The following ZNF536 variants were observed in gnomAD, a reference collection of about 807,000 sequenced individuals.
The protein encoded by ZNF536 is zinc finger protein 536.
ZNF536 carries 13 observed loss-of-function variants against 84.5 expected under a neutral mutation model. The ratio of observed to expected loss-of-function variants is 0.15; its 90% CI spans 0.10 to 0.24. ZNF536 has a LOEUF of 0.24. ZNF536 is among the 10% of genes least tolerant of loss of function. The pLI is 1.00. For missense variants in ZNF536, 1,536 were observed against 1,747.5 expected, an observed-to-expected ratio of 0.88 and a Z score of 2.16; for synonymous variants, 811 against 742.5, an observed-to-expected ratio of 1.09 and a Z score of -1.50.
At position 30,444,613 on chromosome 19, in the gene ZNF536, G is replaced by A. The variant is rs2148190886; in HGVS notation, c.1051G>A (p.Gly351Ser). Residue 351 changes from glycine (G) to serine (S), a missense_variant, in exon 2 of 5, where the codon GGT becomes AGT. By Grantham distance (56) the Gly-to-Ser change is moderately conservative. This residue lies in a region of ZNF536 where 25 missense variants were observed against 78.9 expected (regional missense o/e 0.32). Transcript: ENST00000355537. ...SANEFRCEVC[G>S]QVFSQAWFLK... ...CAACGAGTTCCGCTGCGAGGTGTGC[G>A]GTCAGGTGTTCAGCCAGGCGTGGTT... is the stretch of plus-strand genomic sequence containing the variant. The A allele has an allele frequency of 6.2e-7, 1 of 1,613,890 alleles. No individual in the cohort carries two copies. Among genetic ancestry groups the A allele is most frequent in the Admixed American group, 1.7e-5 (1 of 60,038 alleles).
At chr19:30,654,399 A>C (rs1600161213) in intron 1 of ZNF536, among the ~76,000 whole-genome samples, 2 of 135,836 alleles carry the variant, frequency 1.5e-5, no homozygotes, top group African/African-American at 2.8e-5. Flanking sequence ...CCCCTTATTC[A>C]CCCCTCACCA....
At chr19:30,309,309 GT>G (rs1026845822) in intron 2 of ZNF536, among the ~76,000 whole-genome samples, 1 of 152,204 alleles carries the variant, frequency 6.6e-6, no homozygotes, top group African/African-American at 2.4e-5. Context: ...GAGATAACTG[GT>G]TATCTAACTG....
chr19:30,596,698 G>T (rs1025704044), intron 1 of ZNF536, among the ~76,000 whole-genome samples: 1 of 152,118 alleles, frequency 6.6e-6, no homozygotes, highest in African/African-American at 2.4e-5. Flanking sequence ...AATGTTCCAT[G>T]GGGATAAAGA....
intron 2 of ZNF536, among the ~76,000 whole-genome samples, chr19:30,305,371 A>G (rs1161937064): frequency 6.6e-6 from 1 of 152,192 alleles, no homozygotes; most frequent in African/African-American, 2.4e-5. Flanking sequence ...AAAACAAGGA[A>G]GGAAAATGCA....
At position 30,315,460 on chromosome 19, in the gene ZNF536, C is replaced by T. The variant is rs150831322; in HGVS notation, c.-120+31319C>T. 4.7e-3 allele frequency among the ~76,000 whole-genome samples: 710 copies of T among 152,238 alleles called. 13 individuals are homozygous for T. The highest frequency in any genetic ancestry group is 0.016 in the African/African-American group (681 of 41,510). The stretch of plus-strand genomic sequence containing the variant: ...ATGATGGTGGGGCATGAGCCACCCC[C>T]CTCTGGGCCCTCTGTAGCAGGGTCT... On this transcript the variant is annotated intron_variant, in intron 2 of 5. Coordinates refer to the ZNF536 transcript ENST00000585628.
intron 1 of ZNF536, among the ~76,000 whole-genome samples, chr19:30,665,102 G>A (rs1297598713): frequency 1.3e-5 from 2 of 152,222 alleles, no homozygotes; most frequent in East Asian, 3.9e-4. Context: ...CCAGCACTTT[G>A]GGAGGGCGAG....
In ZNF536 at chr19:30,443,877, C is replaced by T. The variant is rs768351285; in HGVS notation, c.315C>T (p.Phe105=). The change falls in exon 2 of 5, where the codon TTC becomes TTT. Residue 105 remains phenylalanine (F), a synonymous_variant. Transcript: ENST00000355537. ...SLNGRVDLQQ[F]LNGQNLGIMS... is the part of the protein sequence containing the mutation. The stretch of plus-strand genomic sequence containing the variant: ...ACGGGAGGGTGGACTTGCAGCAGTT[C>T]CTCAACGGGCAGAACCTGGGCATCA... 185 of 1,613,506 alleles carry T rather than the reference C, an allele frequency of 1.1e-4. No individual in the cohort carries two copies. The highest frequency in any genetic ancestry group is 1.5e-4 in the Non-Finnish European group (173 of 1,180,006).
intron 1 of ZNF536, among the ~76,000 whole-genome samples, chr19:30,682,382 C>T (rs1415280852): frequency 6.6e-6 from 1 of 152,178 alleles, no homozygotes; most frequent in East Asian, 1.9e-4. Flanking sequence ...CCAGAATATA[C>T]ATTTGTGCTG....
chr19:30,239,855 T>C (rs1235973164), intron 1 of ZNF536, among the ~76,000 whole-genome samples: 1 of 152,152 alleles, frequency 6.6e-6, no homozygotes, highest in Non-Finnish European at 1.5e-5. Flanking sequence ...TTTGAACACC[T>C]ATCCATGCCA....
intron 1 of ZNF536, among the ~76,000 whole-genome samples, chr19:30,408,234 A>G (rs1376168840): frequency 2.0e-5 from 3 of 152,184 alleles, no homozygotes; most frequent in African/African-American, 7.2e-5. Context: ...ATTATAGACC[A>G]TGGGGAGAAG....
chr19:30,450,035 GA>G (rs2148296531), intron 2 of ZNF536, among the ~76,000 whole-genome samples: 1 of 136,492 alleles, frequency 7.3e-6, no homozygotes, highest in South Asian at 2.3e-4. Context: ...AAAAGAAAAA[GA>G]AAAAGAAAAA....
chr19:30,626,809 T>C (rs559372652), intron 1 of ZNF536, among the ~76,000 whole-genome samples: 58 of 152,286 alleles, frequency 3.8e-4, no homozygotes, highest in African/African-American at 1.4e-3. Context: ...CAGATAGGGA[T>C]CCCGGCCAGC....
chr19:30,642,064 G>A (rs1229776506), intron 1 of ZNF536, among the ~76,000 whole-genome samples: 1 of 152,296 alleles, frequency 6.6e-6, no homozygotes, highest in African/African-American at 2.4e-5. Context: ...TGTTGATGGG[G>A]GCCATTGCTG....
chr19:30,302,510 T>G (rs183984229), intron 2 of ZNF536, among the ~76,000 whole-genome samples: 2 of 152,186 alleles, frequency 1.3e-5, no homozygotes, highest in East Asian at 1.9e-4. Flanking sequence ...ACAGGGGAAG[T>G]CAGGTGTCTG....
intron 2 of ZNF536, among the ~76,000 whole-genome samples, chr19:30,338,483 G>GTGA (rs113886104): frequency 0.099 from 14,850 of 149,344 alleles, 1,800 homozygotes; most frequent in African/African-American, 0.3. Context: ...AATGATGATA[G>GTGA]TGATGATGAT....
At chr19:30,464,356 G>A (rs1194623852) in intron 2 of ZNF536, among the ~76,000 whole-genome samples, 3 of 152,166 alleles carry the variant, frequency 2.0e-5, no homozygotes, top group East Asian at 1.9e-4. Flanking sequence ...GGGACCAGAC[G>A]GCGCTGGGCC....
intron 1 of ZNF536, among the ~76,000 whole-genome samples, chr19:30,282,685 C>T (rs1391651021): frequency 6.6e-6 from 1 of 152,050 alleles, no homozygotes; most frequent in Non-Finnish European, 1.5e-5. Context: ...GTGCTGGGGA[C>T]CTGTTTAGCT....
intron 1 of ZNF536, among the ~76,000 whole-genome samples, chr19:30,596,748 C>T (rs1365819989): frequency 6.6e-6 from 1 of 151,172 alleles, no homozygotes; most frequent in African/African-American, 2.5e-5. Context: ...TTTAAGGAAA[C>T]TTTTTTTGCG....
rs561958863 is a variant in ZNF536, at chr19:30,243,856, A to G, written c.-190+15183A>G. On this transcript the variant is annotated intron_variant, in intron 1 of 5. Coordinates refer to the ZNF536 transcript ENST00000585628. The stretch of plus-strand genomic sequence containing the variant: ...TTTTTTTGATTCTGCAGATGTATAG[A>G]GATTGCATTGTGTAGGTTTTTGTCT... Among the ~76,000 whole-genome samples, 12 of 152,340 alleles carry G rather than the reference A, an allele frequency of 7.9e-5. No individual in the cohort carries two copies. The East Asian group carries it at 2.1e-3, about 27-fold the overall frequency.
Sources: gnomAD v4.1 joint callset for allele counts (sites outside exome capture counted in the v4.1 genomes callset) on GRCh38, gnomAD v4.1.1 for gene constraint, gnomAD v4.1.1 regional missense constraint, MANE v1.5 for transcripts, NCBI Gene and HGNC (gene_info 2026-07-23, HGNC 2026-07-21) for gene names.